Variants in SREBF2 observed in about 807,000 individuals in gnomAD.
SREBF2 encodes the protein sterol regulatory element binding transcription factor 2, also known as sterol regulatory element-binding protein 2.
A neutral mutation model predicts 113.1 loss-of-function variants in SREBF2; 55 were observed. That is an observed-to-expected ratio of 0.49 (90% CI 0.39 to 0.61). The LOEUF (loss-of-function observed/expected upper bound fraction) is 0.61. SREBF2 is among the 20% of genes least tolerant of loss of function. The probability of loss-of-function intolerance (pLI) is 0.00; values close to 1 mark genes in which losing one functional copy is unlikely to be tolerated. For synonymous variants in SREBF2, 593 were observed against 605.7 expected (o/e 0.98, Z 0.31); for missense variants, 1,349 against 1,487.4 (o/e 0.91, Z 1.53).
At chr22:41,862,855 A>C (rs2148370064) in intron 1 of SREBF2, among the ~76,000 whole-genome samples, 1 of 152,302 alleles carries the variant, frequency 6.6e-6, no homozygotes, top group East Asian at 1.9e-4. Flanking sequence ...GGCTGACTGG[A>C]GATGGCTCCA....
At position 41,902,618 on chromosome 22, in the gene SREBF2, G is replaced by A. The variant is rs2077474210; in HGVS notation, c.2908-352G>A. Reference sequence around the variant, plus strand: ...TCAGCCTCCTAGCCAGCCATGGTGGGACTCCCATGGGGTGGAAGAACCTGC... The same window carrying A: ...TCAGCCTCCTAGCCAGCCATGGTGGAACTCCCATGGGGTGGAAGAACCTGC... On this transcript the variant is annotated intron_variant, in intron 16 of 18. Coordinates refer to ENST00000361204, the MANE Select transcript of SREBF2 (RefSeq NM_004599.4). Among the ~76,000 whole-genome samples, 5 of 152,148 alleles carry A rather than the reference G, an allele frequency of 3.3e-5. No individual in the cohort carries two copies. The South Asian group carries it at 1.0e-3, about 32-fold the overall frequency.
chr22:41,886,218 G>A (rs1020640983), intron 11 of SREBF2: 56 of 152,338 alleles, frequency 3.7e-4, no homozygotes, highest in African/African-American at 1.3e-3. Context: ...GGAGTCCACA[G>A]ACACTGAAGA....
chr22:41,871,436 T>A (rs1208651098), intron 4 of SREBF2, among the ~76,000 whole-genome samples: 1 of 152,166 alleles, frequency 6.6e-6, no homozygotes, highest in East Asian at 1.9e-4. Flanking sequence ...ACTTTCAGCA[T>A]CCTATAGCAT....
Position 41,903,173 on chromosome 22 carries a change from G to C in SREBF2, c.3093+18G>C, listed in dbSNP as rs199794703. ...ACCGCAAGGTGAGGCCCAGCTGGCTGGTGGGGCAGGGCAGATTGGAGCCTG... is the reference window on the plus strand; with the variant it reads ...ACCGCAAGGTGAGGCCCAGCTGGCTCGTGGGGCAGGGCAGATTGGAGCCTG... On this transcript the variant is annotated intron_variant, in intron 17 of 18. Transcript: ENST00000361204. 177 of 1,547,484 alleles carry C rather than the reference G, an allele frequency of 1.1e-4. 3 individuals are homozygous for C. In the Admixed American group the frequency reaches 3.0e-3, roughly 26 times the overall value.
At chr22:41,878,200 CTA>C in intron 9 of SREBF2, 77 bp downstream of exon 9, 1 of 1,579,820 alleles carries the variant, frequency 6.3e-7, no homozygotes, top group Non-Finnish European at 8.6e-7. Context: ...AAAGAAAGTC[CTA>C]TGATAGATGC....
intron 11 of SREBF2, among the ~76,000 whole-genome samples, chr22:41,892,834 G>A (rs1159525143): frequency 6.6e-6 from 1 of 152,156 alleles, no homozygotes; most frequent in Non-Finnish European, 1.5e-5. Flanking sequence ...AGCCCCAGCA[G>A]GACAGGATGC....
intron 16 of SREBF2, among the ~76,000 whole-genome samples, chr22:41,902,711 T>C (rs759643794): frequency 1.8e-4 from 28 of 152,214 alleles, no homozygotes; most frequent in Non-Finnish European, 3.8e-4. Flanking sequence ...CTATACAAGC[T>C]GCTGTCCCTG....
chr22:41,878,089 G>A lies in SREBF2; in HGVS notation c.1727G>A (p.Arg576Lys). The change falls in exon 9 of 19, where the codon AGG (arginine) becomes AAG (lysine). Residue 576 changes from arginine (R) to lysine (K), a missense_variant. Coordinates refer to ENST00000361204, the MANE Select transcript of SREBF2 (RefSeq NM_004599.4). ...TCGCGCTCCTCGGTCACCTTCTGGA[G>A]GCACCGGAAACAGGCAGATCTGGAT... ...PHSRSSVTFWRHRKQADLDLA... is the reference protein window; with the variant it reads ...PHSRSSVTFWKHRKQADLDLA... The A allele has an allele frequency of 6.2e-7, 1 of 1,614,168 alleles. No homozygotes were observed. The highest frequency in any genetic ancestry group is 8.5e-7 in the Non-Finnish European group (1 of 1,180,034).
At chr22:41,882,924 G>A (rs2148398991) in intron 10 of SREBF2, among the ~76,000 whole-genome samples, 1 of 152,252 alleles carries the variant, frequency 6.6e-6, no homozygotes, top group Middle Eastern at 3.4e-3. Flanking sequence ...GGAAACACGG[G>A]GAGACTCCAT....
intron 9 of SREBF2, chr22:41,878,618 A>T (rs1433445114): frequency 8.1e-7 from 1 of 1,241,230 alleles, no homozygotes; most frequent in East Asian, 5.6e-5. Context: ...AAGGTTTTTG[A>T]GCAGGAAAAC....
intron 17 of SREBF2, among the ~76,000 whole-genome samples, chr22:41,903,708 A>T (rs1354265790): frequency 6.6e-6 from 1 of 152,152 alleles, no homozygotes; most frequent in African/African-American, 2.4e-5. Context: ...ACATATTTGT[A>T]CCTGTATTTT....
chr22:41,837,159 C>T (rs1039020065), intron 1 of SREBF2, among the ~76,000 whole-genome samples: 1 of 152,166 alleles, frequency 6.6e-6, no homozygotes, highest in Non-Finnish European at 1.5e-5. Flanking sequence ...TAGAGTGTGA[C>T]TGGGCTAGCC....
In SREBF2 at chr22:41,880,769, C is replaced by A; in HGVS notation, c.1815C>A (p.Gly605=). The A allele has an allele frequency of 1.2e-6, 2 of 1,614,158 alleles. No homozygotes were observed. The change falls in exon 10 of 19, where the codon GGC becomes GGA. Residue 605 remains glycine (G), a synonymous_variant. Coordinates refer to ENST00000361204, the MANE Select transcript of SREBF2 (RefSeq NM_004599.4). ...GNLQTCLAVL[G]RALPTSRLDL... ...TACAAACCTGCCTGGCAGTTTTGGGCCGGGCACTGCCCACCTCCCGCCTGG... is the reference window on the plus strand; with the variant it reads ...TACAAACCTGCCTGGCAGTTTTGGGACGGGCACTGCCCACCTCCCGCCTGG...
chr22:41,838,648 G>A (rs1411083668), intron 1 of SREBF2, among the ~76,000 whole-genome samples: 12 of 152,162 alleles, frequency 7.9e-5, no homozygotes, highest in Non-Finnish European at 1.6e-4. Flanking sequence ...CAGGAGAATC[G>A]CTTGAACCTG....
At chr22:41,888,797 C>T (rs1015117738) in intron 11 of SREBF2, among the ~76,000 whole-genome samples, 1 of 152,150 alleles carries the variant, frequency 6.6e-6, no homozygotes, top group Non-Finnish European at 1.5e-5. Flanking sequence ...AATAGTATTA[C>T]CAAATTTGCA....
At chr22:41,905,015 C>T in intron 18 of SREBF2, 41 bp downstream of exon 18, 1 of 1,527,938 alleles carries the variant, frequency 6.5e-7, no homozygotes. Flanking sequence ...GGGCCAGGCC[C>T]TGCGCCCTAG....
At chr22:41,881,126 GCTT>G (rs2077241799) in intron 10 of SREBF2, 134 bp downstream of exon 10, 20 of 1,201,220 alleles carry the variant, frequency 1.7e-5, no homozygotes, top group Non-Finnish European at 3.5e-6. Flanking sequence ...GCTAGACCAA[GCTT>G]CTACCTGTTT....
chr22:41,875,477 C>T, intron 6 of SREBF2, 26 bp downstream of exon 6: 1 of 1,614,186 alleles, frequency 6.2e-7, no homozygotes, highest in Non-Finnish European at 8.5e-7. Context: ...AAAGGCTTGT[C>T]AGCCCTGGCC....
At chr22:41,836,823 T>G (rs1478331023) in intron 1 of SREBF2, among the ~76,000 whole-genome samples, 1 of 152,068 alleles carries the variant, frequency 6.6e-6, no homozygotes, top group Non-Finnish European at 1.5e-5. Context: ...ACTTCCTTTG[T>G]ATGTGTATGG....
Sources: allele counts gnomAD v4.1 joint callset (sites outside exome capture counted in the v4.1 genomes callset), GRCh38; gene constraint gnomAD v4.1.1; transcripts MANE v1.5; gene names NCBI Gene and HGNC (gene_info 2026-07-23, HGNC 2026-07-21).